CHST11: variants seen among roughly 807,000 people sequenced by gnomAD.
CHST11 encodes the protein carbohydrate sulfotransferase 11.
In CHST11, 9 loss-of-function variants were observed where a neutral mutation model predicts 30.4. The ratio of observed to expected loss-of-function variants is 0.30; its 90% CI spans 0.18 to 0.52. CHST11 has a LOEUF of 0.52. CHST11 is among the 20% of genes least tolerant of loss of function. The pLI, the probability that CHST11 is intolerant of heterozygous loss-of-function variation, is 0.97. For synonymous variants in CHST11, 152 were observed against 187.8 expected (o/e 0.81, Z 1.56); for missense variants, 348 against 460.6 (o/e 0.76, Z 2.24).
At chr12:104,652,133 C>T (rs2039496140) in intron 2 of CHST11, among the ~76,000 whole-genome samples, 1 of 152,140 alleles carries the variant, frequency 6.6e-6, no homozygotes, top group Non-Finnish European at 1.5e-5. Context: ...TCCATCCTTC[C>T]CACCCACCCC....
chr12:104,510,402 G>A (rs1040417346), intron 1 of CHST11, among the ~76,000 whole-genome samples: 2 of 152,326 alleles, frequency 1.3e-5, no homozygotes, highest in South Asian at 4.1e-4. Context: ...TATGCATGAT[G>A]AAGATAAGAA....
At chr12:104,740,018 T>C (rs73392342) in intron 2 of CHST11, among the ~76,000 whole-genome samples, 2,775 of 152,350 alleles carry the variant, frequency 0.018, 92 homozygotes, top group African/African-American at 0.063. Context: ...TCAGTATTTA[T>C]TGAATGAGAT....
At chr12:104,637,289 G>C (rs1431697985) in intron 2 of CHST11, among the ~76,000 whole-genome samples, 1 of 115,270 alleles carries the variant, frequency 8.7e-6, no homozygotes, top group East Asian at 2.6e-4. Flanking sequence ...TGGGCCATGG[G>C]AGTGAGACCC....
intron 1 of CHST11, among the ~76,000 whole-genome samples, chr12:104,517,663 A>T (rs574190046): frequency 5.9e-5 from 9 of 152,086 alleles, no homozygotes; most frequent in African/African-American, 2.2e-4. Flanking sequence ...CATCACCCTC[A>T]CCCTACTTCA....
intron 2 of CHST11, among the ~76,000 whole-genome samples, chr12:104,716,770 C>T (rs1048369514): frequency 7.2e-5 from 11 of 152,226 alleles, no homozygotes; most frequent in African/African-American, 1.9e-4. Flanking sequence ...ACCTTAGATT[C>T]GAAGACGAAG....
chr12:104,756,900 T>C (rs1456968384), intron 2 of CHST11, 49 bp from the exon 3 acceptor site: 2 of 1,561,352 alleles, frequency 1.3e-6, no homozygotes, highest in Non-Finnish European at 1.7e-6. Flanking sequence ...CAAGTGGAAA[T>C]GTTTCAGGCA....
intron 2 of CHST11, among the ~76,000 whole-genome samples, chr12:104,630,499 TCCA>T (rs1422278146): frequency 6.6e-6 from 1 of 152,154 alleles, no homozygotes; most frequent in Non-Finnish European, 1.5e-5. Context: ...AGAAATGCAG[TCCA>T]CCAACTGGCT....
rs745311346 is a variant in CHST11 at position 104,756,941 on chromosome 12, C to G, written c.205-8C>G. ...TGAGTTCTTATTCGTCTTGTGTCTC[C>G]TCTGCAGCTGGAGCTCTCAAACACT... On this transcript the variant is annotated splice_polypyrimidine_tract_variant and splice_region_variant and intron_variant, in intron 2 of 2. Transcript: ENST00000303694. 2 of 1,607,256 alleles carry G rather than the reference C, an allele frequency of 1.2e-6. No homozygotes were observed. Among genetic ancestry groups the G allele is most frequent in the East Asian group, 2.2e-5 (1 of 44,790 alleles).
At chr12:104,728,115 A>C (rs543274872) in intron 2 of CHST11, among the ~76,000 whole-genome samples, 1 of 152,240 alleles carries the variant, frequency 6.6e-6, no homozygotes, top group African/African-American at 2.4e-5. Flanking sequence ...CATTCTCTAC[A>C]TCAGGAGAGT....
intron 2 of CHST11, among the ~76,000 whole-genome samples, chr12:104,706,062 G>T (rs1372595705): frequency 5.3e-5 from 8 of 152,064 alleles, no homozygotes; most frequent in Non-Finnish European, 1.2e-4. Context: ...CTCCAGCTGG[G>T]GAGACAGAAT....
At chr12:104,558,547 C>G (rs796248306) in intron 1 of CHST11, among the ~76,000 whole-genome samples, 13 of 120,496 alleles carry the variant, frequency 1.1e-4, no homozygotes, top group African/African-American at 3.1e-4. Flanking sequence ...TTCCCCCCCC[C>G]GCCCCCCCGA....
At chr12:104,592,639 C>T (rs557405165) in intron 1 of CHST11, among the ~76,000 whole-genome samples, 2 of 152,334 alleles carry the variant, frequency 1.3e-5, no homozygotes, top group South Asian at 4.1e-4. Flanking sequence ...TGCCATTTCT[C>T]TTGCTCAGTC....
At chr12:104,726,880 A>G (rs1348603526) in intron 2 of CHST11, among the ~76,000 whole-genome samples, 2 of 152,208 alleles carry the variant, frequency 1.3e-5, no homozygotes, top group East Asian at 3.8e-4. Flanking sequence ...TACAGAATTC[A>G]GGGCCCTGAA....
At chr12:104,504,069 T>A (rs990590459) in intron 1 of CHST11, among the ~76,000 whole-genome samples, 1 of 152,194 alleles carries the variant, frequency 6.6e-6, no homozygotes, top group Non-Finnish European at 1.5e-5. Flanking sequence ...GAACATTCCA[T>A]TGAGTTTTCT....
chr12:104,661,582 T>C (rs564176952), intron 2 of CHST11, among the ~76,000 whole-genome samples: 2 of 152,220 alleles, frequency 1.3e-5, no homozygotes, highest in East Asian at 3.9e-4. Context: ...GCACCATCGC[T>C]GCACATTTTA....
intron 1 of CHST11, among the ~76,000 whole-genome samples, chr12:104,488,436 C>CATGT (rs79068245): frequency 0.11 from 15,703 of 143,520 alleles, 974 homozygotes; most frequent in East Asian, 0.31. Context: ...TATGTGTATG[C>CATGT]ATGTATGTAT....
chr12:104,749,635 G>A (rs1053705835), intron 2 of CHST11, among the ~76,000 whole-genome samples: 2 of 152,194 alleles, frequency 1.3e-5, no homozygotes, highest in African/African-American at 4.8e-5. Context: ...TCATTAATGA[G>A]TGAGTCTTCT....
intron 2 of CHST11, among the ~76,000 whole-genome samples, chr12:104,680,956 G>T (rs2039790074): frequency 6.6e-6 from 1 of 152,240 alleles, no homozygotes; most frequent in South Asian, 2.1e-4. Flanking sequence ...GTCTCTTAAA[G>T]TCTCTGGACC....
intron 2 of CHST11, among the ~76,000 whole-genome samples, chr12:104,610,800 TTCCACCCCA>T (rs1381036493): frequency 5.3e-5 from 8 of 152,164 alleles, no homozygotes; most frequent in African/African-American, 1.9e-4. Flanking sequence ...TCGGGAGAGT[TTCCACCCCA>T]TCTTCACACT....
Sources: gnomAD v4.1 joint callset for allele counts (sites outside exome capture counted in the v4.1 genomes callset) on GRCh38, gnomAD v4.1.1 for gene constraint, MANE v1.5 for transcripts, NCBI Gene and HGNC (gene_info 2026-07-23, HGNC 2026-07-21) for gene names.